Variants in NPAS3 observed in about 807,000 individuals in gnomAD.
NPAS3 encodes neuronal PAS domain-containing protein 3.
Under a neutral mutation model 73.1 loss-of-function variants are expected in NPAS3, and 14 were observed. That is an observed-to-expected ratio of 0.19 (90% confidence interval 0.13 to 0.30). The LOEUF (loss-of-function observed/expected upper bound fraction) is 0.30, where lower values mean the gene tolerates loss of function less well. Among genes scored for constraint, NPAS3 ranks in the 10% least tolerant of loss-of-function variants. The pLI is 1.00. For synonymous variants in NPAS3, 620 were observed against 541.5 expected (o/e 1.14, Z -2.01); for missense variants, 1,096 against 1,250.0 (o/e 0.88, Z 1.86).
intron 9 of NPAS3, among the ~76,000 whole-genome samples, chr14:33,783,232 G>A (rs912224541): frequency 3.9e-5 from 6 of 152,188 alleles, no homozygotes; most frequent in Non-Finnish European, 7.3e-5. Context: ...GCAAGTGAAG[G>A]AAAGAGAAAA....
intron 2 of NPAS3, among the ~76,000 whole-genome samples, chr14:33,116,054 T>TA (rs529203121): frequency 5.1e-4 from 78 of 152,058 alleles, no homozygotes; most frequent in African/African-American, 1.9e-3. Flanking sequence ...TCATTTCTCT[T>TA]AAAAAAAGAA....
chr14:33,691,613 G>T (rs1566430783), intron 6 of NPAS3, among the ~76,000 whole-genome samples: 1 of 152,166 alleles, frequency 6.6e-6, no homozygotes, highest in African/African-American at 2.4e-5. Context: ...TCATAACTAA[G>T]AATTCACAGA....
intron 1 of NPAS3, among the ~76,000 whole-genome samples, chr14:33,040,955 A>G (rs866958857): frequency 4.6e-5 from 7 of 152,304 alleles, no homozygotes; most frequent in Middle Eastern, 6.8e-3. Flanking sequence ...CAATTTCTTG[A>G]ACAGGAAACC....
intron 3 of NPAS3, among the ~76,000 whole-genome samples, chr14:33,307,823 A>G (rs990801788): frequency 4.0e-5 from 6 of 151,822 alleles, no homozygotes; most frequent in African/African-American, 1.5e-4. Flanking sequence ...GTCCCTAATT[A>G]CTCTCAGACT....
intron 3 of NPAS3, among the ~76,000 whole-genome samples, chr14:33,343,200 G>A (rs374164171): frequency 1.3e-5 from 2 of 152,162 alleles, no homozygotes. Context: ...GGGTGATTTC[G>A]CAACTTTAGG....
Position 33,013,707 on chromosome 14 carries a change from G to A in NPAS3, c.51-42198G>A, listed in dbSNP as rs150653762. On this transcript the variant is annotated intron_variant, in intron 1 of 11. Transcript: ENST00000356141. ...ATCAACATTTTCTATAGTTGCACAT[G>A]ATTTAACTGCACATTATTTTATGTA... Among the ~76,000 whole-genome samples, 95 of 152,240 alleles carry A rather than the reference G, an allele frequency of 6.2e-4. 2 individuals are homozygous for A. In the East Asian group the frequency reaches 0.016, roughly 25 times the overall value.
chr14:33,024,317 G>A (rs765796258), intron 1 of NPAS3, among the ~76,000 whole-genome samples: 31 of 151,838 alleles, frequency 2.0e-4, no homozygotes, highest in Admixed American at 3.3e-4. Context: ...GATTACAGGC[G>A]CCCACCACCA....
At chr14:33,131,414 TGTGTTCATC>T (rs2043629752) in intron 2 of NPAS3, among the ~76,000 whole-genome samples, 1 of 48,528 alleles carries the variant, frequency 2.1e-5, no homozygotes, top group Non-Finnish European at 4.7e-5. Context: ...CACCCAGCCA[TGTGTTCATC>T]TGACTTCCAC....
chr14:33,074,805 T>G (rs2041604722), intron 2 of NPAS3, among the ~76,000 whole-genome samples: 2 of 152,210 alleles, frequency 1.3e-5, no homozygotes, highest in African/African-American at 4.8e-5. Context: ...CTTCTGTGAT[T>G]AGTATGCATT....
intron 9 of NPAS3, among the ~76,000 whole-genome samples, chr14:33,783,591 G>A (rs1021456320): frequency 1.4e-5 from 2 of 147,618 alleles, no homozygotes; most frequent in Non-Finnish European, 3.0e-5. Context: ...GTTTTTTGGG[G>A]GGGTGGTGTG....
At chr14:33,580,608 C>T (rs899929625) in intron 5 of NPAS3, among the ~76,000 whole-genome samples, 2 of 152,146 alleles carry the variant, frequency 1.3e-5, no homozygotes, top group African/African-American at 2.4e-5. Context: ...GGTGTGGTTG[C>T]CTGCTGCCTC....
intron 4 of NPAS3, among the ~76,000 whole-genome samples, chr14:33,466,749 T>C (rs888595529): frequency 6.6e-6 from 1 of 151,776 alleles, no homozygotes; most frequent in Admixed American, 6.6e-5. Flanking sequence ...GTGGAGGAGG[T>C]GCCACACACT....
In NPAS3 at chr14:33,684,388, T is replaced by C. The variant is rs533124252; in HGVS notation, c.733+8003T>C. Among the ~76,000 whole-genome samples, 21 of 152,244 alleles carry C rather than the reference T, an allele frequency of 1.4e-4. 1 individual carries two copies. Among genetic ancestry groups the C allele is most frequent in the African/African-American group, 5.1e-4 (21 of 41,540 alleles). ...GTGCAGTGGCACAATCTCGGCTCAC[T>C]ACAACCTCCATCTCTCGGGCTCAAG... On this transcript the variant is annotated intron_variant, in intron 6 of 11. Coordinates refer to ENST00000356141, the Ensembl canonical transcript of NPAS3.
chr14:33,719,728 G>T (rs934994285), intron 6 of NPAS3, among the ~76,000 whole-genome samples: 1 of 152,084 alleles, frequency 6.6e-6, no homozygotes, highest in Non-Finnish European at 1.5e-5. Flanking sequence ...CTTTCTGATG[G>T]ACTAGTCTCA....
At chr14:33,755,720 G>A (rs1240394465) in intron 7 of NPAS3, among the ~76,000 whole-genome samples, 2 of 152,162 alleles carry the variant, frequency 1.3e-5, no homozygotes, top group Non-Finnish European at 2.9e-5. Flanking sequence ...AATACCAGAG[G>A]CTGGGTATTT....
chr14:33,197,256 TGTGTGTGTGTG>T (rs2046395096), intron 2 of NPAS3, among the ~76,000 whole-genome samples: 1 of 148,988 alleles, frequency 6.7e-6, no homozygotes, highest in Non-Finnish European at 1.5e-5. Flanking sequence ...TGTGTGTGTG[TGTGTGTGTGTG>T]TTCTTTTTCA....
intron 4 of NPAS3, among the ~76,000 whole-genome samples, chr14:33,373,608 G>A (rs571424651): frequency 6.6e-6 from 1 of 152,176 alleles, no homozygotes; most frequent in East Asian, 1.9e-4. Context: ...ACTAAGTATT[G>A]AGAGAATAAA....
At chr14:33,357,161 G>A (rs907899422) in intron 3 of NPAS3, among the ~76,000 whole-genome samples, 3 of 152,190 alleles carry the variant, frequency 2.0e-5, no homozygotes, top group African/African-American at 7.2e-5. Context: ...GTGGGCTTTT[G>A]TTTATGTGAA....
At chr14:33,679,776 G>A (rs1192938510) in intron 6 of NPAS3, among the ~76,000 whole-genome samples, 2 of 152,164 alleles carry the variant, frequency 1.3e-5, no homozygotes, top group African/African-American at 2.4e-5. Context: ...TAGGAATTCT[G>A]TCTCTTTGAA....
Sources: gnomAD v4.1 joint callset for allele counts (sites outside exome capture counted in the v4.1 genomes callset) on GRCh38, gnomAD v4.1.1 for gene constraint, MANE v1.5 for transcripts, NCBI Gene and HGNC (gene_info 2026-07-23, HGNC 2026-07-21) for gene names.